The following HAUS2 variants were observed in gnomAD, a reference collection of about 807,000 sequenced individuals.
HAUS2 encodes the protein HAUS augmin like complex subunit 2, also known as HAUS augmin-like complex subunit 2.
In HAUS2, 20 loss-of-function variants were observed where a neutral mutation model predicts 21.6. That is an observed-to-expected ratio of 0.93 (90% confidence interval 0.65 to 1.35). The LOEUF is 1.35. HAUS2 is among the 40% of genes most tolerant of loss of function. The probability of loss-of-function intolerance (pLI) is 0.00; values close to 1 mark genes in which losing one functional copy is unlikely to be tolerated. For missense variants in HAUS2, 297 were observed against 280.7 expected, an observed-to-expected ratio of 1.06 and a Z score of -0.42; for synonymous variants, 113 against 95.6, an observed-to-expected ratio of 1.18 and a Z score of -1.06.
chr15:42,551,768 C>A (rs1288474325), intron 1 of HAUS2, among the ~76,000 whole-genome samples: 2 of 152,000 alleles, frequency 1.3e-5, no homozygotes, highest in East Asian at 3.9e-4. Flanking sequence ...TGGGTGAACT[C>A]TTTTTTGGGG....
Position 42,563,742 on chromosome 15 carries a change from C to G in HAUS2, c.390-7C>G. 2.9e-6 allele frequency: 4 copies of G among 1,390,394 alleles called. No individual in the cohort carries two copies. The highest frequency in any genetic ancestry group is 1.7e-5 in the Admixed American group (1 of 58,206). The allele number at this position is 1,390,394 out of a possible 1,614,324, so 86.1% of individuals were successfully genotyped here. On this transcript the variant is annotated splice_region_variant and splice_polypyrimidine_tract_variant and intron_variant, in intron 4 of 5. Transcript: ENST00000260372. ...AAAAATGGTTGACTTTTTTCTTTCT[C>G]TTTCAGATATATGGTACATTTGCTG...
At position 42,556,767 on chromosome 15, in the gene HAUS2, G is replaced by A. The variant is rs1052463098; in HGVS notation, c.94-1431G>A. Among the ~76,000 whole-genome samples the A allele has an allele frequency of 2.5e-4, 38 of 151,672 alleles. 1 individual carries two copies. The highest frequency in any genetic ancestry group is 1.3e-4 in the Non-Finnish European group (9 of 67,966). ...CGCCTGTAATCTGGGCACTCTGGGA[G>A]GCTGAGGCGGGTGGATCACCTGAGG... On this transcript the variant is annotated intron_variant, in intron 1 of 5. Transcript: ENST00000260372.
chr15:42,550,997 C>CT (rs56371573), intron 1 of HAUS2, among the ~76,000 whole-genome samples: 75,412 of 132,772 alleles, frequency 0.57, 25,737 homozygotes, highest in East Asian at 0.79. Flanking sequence ...CTTTTCTTTT[C>CT]TTTTTTTTTT....
intron 1 of HAUS2, among the ~76,000 whole-genome samples, chr15:42,553,374 C>T (rs2057743764): frequency 1.3e-5 from 2 of 152,074 alleles, no homozygotes; most frequent in Non-Finnish European, 2.9e-5. Flanking sequence ...AGGATCCTTT[C>T]ATTTTCAGGG....
chr15:42,560,858 A>G, intron 3 of HAUS2: 1 of 702,118 alleles, frequency 1.4e-6, no homozygotes, highest in Non-Finnish European at 2.6e-6. Flanking sequence ...CTCCCAAAAC[A>G]CTGCGATTAC....
intron 3 of HAUS2, among the ~76,000 whole-genome samples, 167 bp from the exon 4 acceptor site, chr15:42,561,103 T>C (rs1463599332): frequency 6.6e-6 from 1 of 152,026 alleles, no homozygotes; most frequent in East Asian, 1.9e-4. Context: ...TAAGAGAAAG[T>C]TGTTGAAAAT....
At chr15:42,558,389 A>C in intron 2 of HAUS2, 99 bp downstream of exon 2, 1 of 564,986 alleles carries the variant, frequency 1.8e-6, no homozygotes, top group Non-Finnish European at 3.1e-6. Flanking sequence ...GTGCAGTGGC[A>C]CAATCTCGGC....
chr15:42,557,388 A>G (rs375972444), intron 1 of HAUS2, among the ~76,000 whole-genome samples: 1 of 25,740 alleles, frequency 3.9e-5, no homozygotes, highest in African/African-American at 9.6e-5. Flanking sequence ...TATTTTATAT[A>G]TAATATATAT....
Position 42,558,282 on chromosome 15 carries a change from A to C in HAUS2, c.178A>C (p.Ile60Leu). 1 of 1,267,910 alleles carries C rather than the reference A, an allele frequency of 7.9e-7. No homozygotes were observed. The highest frequency in any genetic ancestry group is 1.1e-6 in the Non-Finnish European group (1 of 880,066). The allele number at this position is 1,267,910 out of a possible 1,614,324, so 78.5% of individuals were successfully genotyped here. A position where few individuals can be genotyped will look rare whatever the true frequency, so the allele number is the denominator to read the frequency against. ...LQQITNIQAEIYQKNLEIELL... is the reference protein window; with the variant it reads ...LQQITNIQAELYQKNLEIELL... ...GCAGATCACAAATATTCAAGCTGAAATCTACCAGGTAAATCATTTTGTTTT... is the reference window on the plus strand; with the variant it reads ...GCAGATCACAAATATTCAAGCTGAACTCTACCAGGTAAATCATTTTGTTTT... The change falls in exon 2 of 6, where the codon ATC becomes CTC. Residue 60 changes from isoleucine to leucine, a missense_variant. Coordinates refer to ENST00000260372, the MANE Select transcript of HAUS2 (RefSeq NM_018097.3).
chr15:42,563,900 A>G (rs747118791), intron 5 of HAUS2, 43 bp downstream of exon 5: 2 of 901,898 alleles, frequency 2.2e-6, no homozygotes, highest in Non-Finnish European at 3.6e-6. Flanking sequence ...TTTACTAGAA[A>G]CTTAGAGGTG....
chr15:42,562,839 T>G (rs996434539), intron 4 of HAUS2, among the ~76,000 whole-genome samples: 4 of 152,234 alleles, frequency 2.6e-5, no homozygotes, highest in Non-Finnish European at 5.9e-5. Flanking sequence ...CCAGGCGTCA[T>G]GGCTCACGCC....
At chr15:42,555,506 G>C (rs1299265328) in intron 1 of HAUS2, among the ~76,000 whole-genome samples, 3 of 152,176 alleles carry the variant, frequency 2.0e-5, no homozygotes, top group Non-Finnish European at 2.9e-5. Flanking sequence ...ATTTTCTGCA[G>C]TATGATTGTT....
At chr15:42,549,747 C>G (rs2057701083) in intron 1 of HAUS2, among the ~76,000 whole-genome samples, 1 of 142,886 alleles carries the variant, frequency 7.0e-6, no homozygotes, top group Admixed American at 7.3e-5. Context: ...CCGCGCCCGG[C>G]CTTGGCATCT....
Position 42,566,786 on chromosome 15 carries a change from A to T in HAUS2, c.678A>T (p.Lys226Asn). ...TGCCTCCTTTACCTTTTACTTCTAA[A>T]GTTCATGTCCAAACTATTAATGCCA... ...IIMPPLPFTSKVHVQTINAK is the reference protein window; with the variant it reads ...IIMPPLPFTSNVHVQTINAK Residue 226 changes from lysine to asparagine, a missense_variant, in exon 6 of 6, where the codon AAA (lysine) becomes AAT (asparagine). Lys to Asn is a moderately conservative substitution (Grantham distance 94, BLOSUM62 0). Coordinates refer to ENST00000260372, the MANE Select transcript of HAUS2 (RefSeq NM_018097.3). The T allele has an allele frequency of 6.5e-7, 1 of 1,539,804 alleles. No individual in the cohort carries two copies. The highest frequency in any genetic ancestry group is 1.7e-5 in the Admixed American group (1 of 59,932).
Position 42,569,804 on chromosome 15 carries a change from A to G in HAUS2, c.*2988A>G, listed in dbSNP as rs935065326. ...ATAGACACTTAAAACCTTTAGTTGT[A>G]TTTCATCAAAAATCTGTTCATACCC... is the stretch of plus-strand genomic sequence containing the variant. On this transcript the variant is annotated 3_prime_UTR_variant, in exon 6 of 6. Transcript: ENST00000260372. 1.3e-5 allele frequency: 2 copies of G among 152,208 alleles called. No homozygotes were observed. The highest frequency in any genetic ancestry group is 4.1e-4 in the South Asian group (2 of 4,838). 9.4% of individuals were successfully genotyped at this position (152,208 alleles called of 1,614,324 possible).
rs1367834845 is a variant in HAUS2 at position 42,548,905 on chromosome 15, C to G, written c.33C>G (p.Ser11=). Residue 11 remains serine (S), a synonymous_variant, in exon 1 of 6, where the codon TCC becomes TCG. Coordinates refer to ENST00000260372, the MANE Select transcript of HAUS2 (RefSeq NM_018097.3). ...CTGCCAACCCGTGGGACCCGGCGTC[C>G]GCGCCTAACGGCGCTGGGCTAGTGC... MAAANPWDPA[S]APNGAGLVLG... is the part of the protein sequence containing the mutation. The G allele has an allele frequency of 6.4e-7, 1 of 1,550,968 alleles. No homozygotes were observed. Among genetic ancestry groups the G allele is most frequent in the East Asian group, 2.4e-5 (1 of 41,096 alleles).
At chr15:42,560,816 C>G (rs183593002) in intron 3 of HAUS2, 1 of 702,050 alleles carries the variant, frequency 1.4e-6, no homozygotes, top group Non-Finnish European at 2.6e-6. Context: ...AGGCTGGTCT[C>G]GAACTCATGG....
chr15:42,558,263 C>A lies in HAUS2; in HGVS notation c.159C>A (p.Ile53=). The A allele has an allele frequency of 2.9e-6, 4 of 1,373,838 alleles. No homozygotes were observed. The highest frequency in any genetic ancestry group is 4.1e-6 in the Non-Finnish European group (4 of 980,818). The allele number at this position is 1,373,838 out of a possible 1,614,324, so 85.1% of individuals were successfully genotyped here. The change falls in exon 2 of 6, where the codon ATC becomes ATA. Residue 53 remains isoleucine, a synonymous_variant. Coordinates refer to ENST00000260372, the MANE Select transcript of HAUS2 (RefSeq NM_018097.3). ...CFVNFTRLQQ[I]TNIQAEIYQK... ...TGAACTTCACCAGACTACAGCAGATCACAAATATTCAAGCTGAAATCTACC... is the reference window on the plus strand; with the variant it reads ...TGAACTTCACCAGACTACAGCAGATAACAAATATTCAAGCTGAAATCTACC...
intron 1 of HAUS2, 119 bp downstream of exon 1, chr15:42,549,084 G>A: frequency 1.6e-6 from 1 of 640,122 alleles, no homozygotes; most frequent in Non-Finnish European, 2.8e-6. Context: ...CTGTACTAGA[G>A]TAATAAGAGC....
Sources: allele counts gnomAD v4.1 joint callset (sites outside exome capture counted in the v4.1 genomes callset), GRCh38; gene constraint gnomAD v4.1.1; transcripts MANE v1.5; gene names NCBI Gene and HGNC (gene_info 2026-07-23, HGNC 2026-07-21).